Variants in CEP41 observed in about 807,000 individuals in gnomAD.
CEP41 encodes the protein centrosomal protein 41, also known as centrosomal protein of 41 kDa.
CEP41 carries 32 observed loss-of-function variants against 44.3 expected under a neutral mutation model. The observed-to-expected ratio is 0.72, with a 90% CI of 0.54 to 0.97. The LOEUF (loss-of-function observed/expected upper bound fraction) is 0.97, where lower values mean the gene tolerates loss of function less well. Ranked by LOEUF, CEP41 falls within the 50% of genes least tolerant of loss-of-function variation. The pLI, the probability that CEP41 is intolerant of heterozygous loss-of-function variation, is 0.00. For synonymous variants in CEP41, 151 were observed against 168.5 expected, an observed-to-expected ratio of 0.90 and a Z score of 0.80; for missense variants, 432 against 455.2, an observed-to-expected ratio of 0.95 and a Z score of 0.46.
In CEP41 at chr7:130,397,899, A is replaced by C. The variant is rs1480073910; in HGVS notation, c.*992T>G. 2.2e-6 allele frequency: 1 copy of C among 453,732 alleles called. No homozygotes were observed. The highest frequency in any genetic ancestry group is 4.4e-6 in the Non-Finnish European group (1 of 226,076). 28.1% of individuals were successfully genotyped at this position (453,732 alleles called of 1,614,324 possible). A position where few individuals can be genotyped will look rare whatever the true frequency, so the allele number is the denominator to read the frequency against. The stretch of plus-strand genomic sequence containing the variant: ...TGAAAAGTAAGCAGGAAATTGCACT[A>C]ATTACTCAATTAGACTAATACTGTA... On this transcript the variant is annotated 3_prime_UTR_variant, in exon 11 of 11. Coordinates refer to ENST00000223208, the MANE Select transcript of CEP41 (RefSeq NM_018718.3).
At chr7:130,403,072 T>C (rs1663955221) in intron 6 of CEP41, among the ~76,000 whole-genome samples, 1 of 151,440 alleles carries the variant, frequency 6.6e-6, no homozygotes, top group Non-Finnish European at 1.5e-5. Flanking sequence ...GCTGAGGGGG[T>C]AGGGACTGAA....
rs1796666185 is a variant in CEP41 at position 130,396,606 on chromosome 7, G to T, written c.*2285C>A. 1 of 454,524 alleles carries T rather than the reference G, an allele frequency of 2.2e-6. No individual in the cohort carries two copies. 28.2% of individuals were successfully genotyped at this position (454,524 alleles called of 1,614,324 possible). ...ATCACTGGTCATTTAAATAATACAT[G>T]TCAATTAATCTAATGAAGAAACTGG... is the stretch of plus-strand genomic sequence containing the variant. On this transcript the variant is annotated 3_prime_UTR_variant, in exon 11 of 11. Coordinates refer to ENST00000223208, the MANE Select transcript of CEP41 (RefSeq NM_018718.3).
At chr7:130,419,291 T>G (rs1345836609) in intron 2 of CEP41, 6 of 985,306 alleles carry the variant, frequency 6.1e-6, no homozygotes, top group African/African-American at 1.7e-5. Flanking sequence ...GAATGGAGGA[T>G]TTCTTCCTTG....
intron 6 of CEP41, 118 bp from the exon 7 acceptor site, chr7:130,402,917 A>C: frequency 1.9e-6 from 2 of 1,067,790 alleles, no homozygotes; most frequent in Non-Finnish European, 2.9e-6. Flanking sequence ...GACGCTTCAA[A>C]GGCAAAGGAA....
intron 1 of CEP41, among the ~76,000 whole-genome samples, chr7:130,437,777 A>AAAAAG (rs1798015115): frequency 2.2e-5 from 3 of 138,642 alleles, no homozygotes; most frequent in South Asian, 2.3e-4. Flanking sequence ...AAAAAAAAAA[A>AAAAAG]AAAAAAAAAA....
rs1051697239 is a variant in CEP41, at chr7:130,402,784, A to C, written c.438T>G (p.Val146=). 1 of 1,614,042 alleles carries C rather than the reference A, an allele frequency of 6.2e-7. No individual in the cohort carries two copies. The highest frequency in any genetic ancestry group is 1.3e-5 in the African/African-American group (1 of 74,928). The change falls in exon 7 of 11, where the codon GTT becomes GTG. Residue 146 remains valine, a synonymous_variant. Transcript: ENST00000223208. The part of the protein sequence containing the change: ...RSTLQSVISG[V]GELDLDKGPV... ...GCCCTTTGTCTAGATCCAGTTCCCC[A>C]ACACCACTGATGACACTGCAAGTGA...
At chr7:130,399,635 T>G (rs527504875) in intron 10 of CEP41, 513 of 239,992 alleles carry the variant, frequency 2.1e-3, no homozygotes, top group Non-Finnish European at 3.4e-3. Flanking sequence ...CTGGCCAACA[T>G]GGTGAAACCC....
intron 1 of CEP41, among the ~76,000 whole-genome samples, chr7:130,439,897 T>C (rs966059884): frequency 6.6e-6 from 1 of 152,178 alleles, no homozygotes; most frequent in Non-Finnish European, 1.5e-5. Flanking sequence ...CCCTTCCATC[T>C]CCACAACCCT....
At chr7:130,427,456 G>T (rs1797697387) in intron 2 of CEP41, among the ~76,000 whole-genome samples, 1 of 152,064 alleles carries the variant, frequency 6.6e-6, no homozygotes, top group South Asian at 2.1e-4. Context: ...AAGTCTGTCT[G>T]CCTCCGCTTG....
intron 5 of CEP41, among the ~76,000 whole-genome samples, chr7:130,404,979 T>C (rs1399472544): frequency 2.6e-5 from 4 of 152,202 alleles, no homozygotes; most frequent in Non-Finnish European, 5.9e-5. Context: ...AAAGAAATGG[T>C]GGATAAAGCT....
At chr7:130,425,212 G>T (rs1194353783) in intron 2 of CEP41, among the ~76,000 whole-genome samples, 1 of 148,750 alleles carries the variant, frequency 6.7e-6, no homozygotes, top group Admixed American at 6.7e-5. Flanking sequence ...GCAGGAGTTT[G>T]AGACAAGCCT....
At chr7:130,428,440 A>G (rs1178489034) in intron 1 of CEP41, among the ~76,000 whole-genome samples, 5 of 148,426 alleles carry the variant, frequency 3.4e-5, no homozygotes, top group African/African-American at 1.2e-4. Flanking sequence ...AAAAAAAAAA[A>G]AAAAAAAAAA....
chr7:130,412,283 T>C, intron 3 of CEP41, 43 bp from the exon 4 acceptor site: 1 of 960,758 alleles, frequency 1.0e-6, no homozygotes, highest in South Asian at 1.3e-5. Context: ...TTTTGCTTTT[T>C]TAGAGCTATT....
At position 130,393,834 on chromosome 7, in the gene CEP41, C is replaced by T. The variant is rs1237783889; in HGVS notation, c.*5057G>A. 4.4e-6 allele frequency: 2 copies of T among 453,328 alleles called. No individual in the cohort carries two copies. Among genetic ancestry groups the T allele is most frequent in the African/African-American group, 2.0e-5 (1 of 49,924 alleles). 28.1% of individuals were successfully genotyped at this position (453,328 alleles called of 1,614,324 possible). Reference sequence around the variant, plus strand: ...ATCAGGAAAACAGCCTACTTTTTTCCCCCTACAATATAATTAAAAGTTTGT... The same window carrying T: ...ATCAGGAAAACAGCCTACTTTTTTCTCCCTACAATATAATTAAAAGTTTGT... On this transcript the variant is annotated 3_prime_UTR_variant, in exon 11 of 11. Coordinates refer to ENST00000223208, the MANE Select transcript of CEP41 (RefSeq NM_018718.3).
chr7:130,410,341 G>A (rs1554419266), intron 5 of CEP41, among the ~76,000 whole-genome samples: 1 of 151,964 alleles, frequency 6.6e-6, no homozygotes, highest in Admixed American at 6.6e-5. Context: ...GTGCCTGGCC[G>A]CCTACCTTGG....
intron 1 of CEP41, 65 bp from the exon 2 acceptor site, chr7:130,428,083 G>T (rs1797716862): frequency 9.0e-7 from 1 of 1,115,696 alleles, no homozygotes; most frequent in South Asian, 1.2e-5. Flanking sequence ...GTAAAGTCAG[G>T]AGTCAGATAC....
In CEP41 at chr7:130,409,765, T is replaced by C. The variant is rs181410846; in HGVS notation, c.277+1357A>G. On this transcript the variant is annotated intron_variant, in intron 5 of 10. Transcript: ENST00000223208. ...ATGAGAGTACAACTAGGAGGTTTTA[T>C]TTTCAACTTGGTATTTAAGAAAGGA... is the stretch of plus-strand genomic sequence containing the variant. 2.0e-5 allele frequency among the ~76,000 whole-genome samples: 3 copies of C among 152,298 alleles called. No homozygotes were observed. The East Asian group carries it at 5.8e-4, about 29-fold the overall frequency.
chr7:130,423,054 C>T (rs1358239736), intron 2 of CEP41, among the ~76,000 whole-genome samples: 1 of 152,226 alleles, frequency 6.6e-6, no homozygotes, highest in Non-Finnish European at 1.5e-5. Flanking sequence ...TCAAGCGATT[C>T]TCCTGCCTCG....
At chr7:130,400,474 G>A (rs1487366971) in intron 9 of CEP41, 11 of 637,292 alleles carry the variant, frequency 1.7e-5, no homozygotes, top group Middle Eastern at 4.1e-4. Context: ...CCTTTTGCTC[G>A]AGTCTTCAGC....
Sources: allele counts gnomAD v4.1 joint callset (sites outside exome capture counted in the v4.1 genomes callset), GRCh38; gene constraint gnomAD v4.1.1; transcripts MANE v1.5; gene names NCBI Gene and HGNC (gene_info 2026-07-23, HGNC 2026-07-21).